CSNK2A2IP: variants seen among roughly 807,000 people sequenced by gnomAD.
The protein encoded by CSNK2A2IP is casein kinase II subunit alpha'-interacting protein.
chr3:88,406,425 C>A, the CSNK2A2IP span, among the ~76,000 whole-genome samples: 2 of 152,146 alleles, frequency 1.3e-5, no homozygotes, highest in Non-Finnish European at 2.9e-5. Flanking sequence ...AAAGCCTTAG[C>A]TGGCAGTTGA....
chr3:88,383,375 T>G, the CSNK2A2IP span, among the ~76,000 whole-genome samples: 1 of 152,240 alleles, frequency 6.6e-6, no homozygotes, highest in Non-Finnish European at 1.5e-5. Flanking sequence ...GGTCAGAATT[T>G]TTAATCTATA....
the CSNK2A2IP span, among the ~76,000 whole-genome samples, chr3:88,406,625 T>G: frequency 6.6e-6 from 1 of 152,228 alleles, no homozygotes; most frequent in Non-Finnish European, 1.5e-5. Flanking sequence ...TTTTGGCGAC[T>G]GTTACATTGG....
the CSNK2A2IP span, among the ~76,000 whole-genome samples, chr3:88,407,259 G>A: frequency 1.9e-5 from 2 of 102,614 alleles, no homozygotes; most frequent in African/African-American, 7.3e-5. Context: ...CCTAATATAT[G>A]TTTTAGAAAG....
At chr3:88,394,452 A>G in the CSNK2A2IP span, among the ~76,000 whole-genome samples, 3 of 152,302 alleles carry the variant, frequency 2.0e-5, no homozygotes, top group African/African-American at 7.2e-5. Context: ...AGTTCACTGC[A>G]ACCTCTGCCT....
At chr3:88,356,998 A>G in the CSNK2A2IP span, among the ~76,000 whole-genome samples, 3 of 151,818 alleles carry the variant, frequency 2.0e-5, no homozygotes, top group African/African-American at 7.3e-5. Context: ...GTTTATTTAT[A>G]TTTTGGTTAT....
the CSNK2A2IP span, among the ~76,000 whole-genome samples, chr3:88,414,239 C>G: frequency 7.1e-6 from 1 of 140,456 alleles, no homozygotes; most frequent in African/African-American, 2.7e-5. Context: ...CCTAAGGAAA[C>G]CTAAAATATC....
the CSNK2A2IP span, among the ~76,000 whole-genome samples, chr3:88,464,168 T>C: frequency 3.2e-5 from 1 of 31,348 alleles, no homozygotes; most frequent in African/African-American, 1.2e-4. Context: ...TGTTGTGGTG[T>C]GGGGGGAGGG....
chr3:88,346,713 TTATTA>T, the CSNK2A2IP span, among the ~76,000 whole-genome samples: 8 of 152,012 alleles, frequency 5.3e-5, no homozygotes, highest in Non-Finnish European at 1.0e-4. Context: ...ATATTACCAT[TTATTA>T]ACAATGCATC....
the CSNK2A2IP span, among the ~76,000 whole-genome samples, chr3:88,417,005 A>G: frequency 2.0e-5 from 3 of 151,396 alleles, no homozygotes; most frequent in East Asian, 5.8e-4. Context: ...TATATATATT[A>G]TTCAATATAT....
chr3:88,447,399 A>G, the CSNK2A2IP span, among the ~76,000 whole-genome samples: 1 of 152,156 alleles, frequency 6.6e-6, no homozygotes, highest in African/African-American at 2.4e-5. Context: ...ACTGAAGGGA[A>G]ATTTAGAAAC....
At chr3:88,465,862 A>T in the CSNK2A2IP span, 1 of 1,231,678 alleles carries the variant, frequency 8.1e-7, no homozygotes. Context: ...TGTTTGCTGG[A>T]GATCACTTTC....
chr3:88,366,250 C>T, the CSNK2A2IP span, among the ~76,000 whole-genome samples: 1 of 152,086 alleles, frequency 6.6e-6, no homozygotes, highest in Non-Finnish European at 1.5e-5. Flanking sequence ...GATTAAAATG[C>T]TTCAGAGCAC....
the CSNK2A2IP span, among the ~76,000 whole-genome samples, chr3:88,365,389 G>A: frequency 6.6e-6 from 1 of 152,116 alleles, no homozygotes; most frequent in Non-Finnish European, 1.5e-5. Context: ...AATGGAGGTG[G>A]AGGGTAAGAC....
chr3:88,450,011 G>T, the CSNK2A2IP span, among the ~76,000 whole-genome samples: 3 of 150,140 alleles, frequency 2.0e-5, no homozygotes, highest in South Asian at 6.4e-4. Context: ...GGGACTACAG[G>T]CTCGCATGAC....
At chr3:88,344,440 G>A in the CSNK2A2IP span, among the ~76,000 whole-genome samples, 1 of 151,766 alleles carries the variant, frequency 6.6e-6, no homozygotes, top group Non-Finnish European at 1.5e-5. Flanking sequence ...ATCAAATATT[G>A]GGAGAAAACA....
chr3:88,430,212 A>AAATATTGTT, the CSNK2A2IP span, among the ~76,000 whole-genome samples: 22 of 152,112 alleles, frequency 1.4e-4, no homozygotes, highest in Non-Finnish European at 2.8e-4. Context: ...TGTACCTTCT[A>AAATATTGTT]AATATTGTTA....
At chr3:88,424,767 T>C in the CSNK2A2IP span, among the ~76,000 whole-genome samples, 3 of 151,764 alleles carry the variant, frequency 2.0e-5, no homozygotes, top group Admixed American at 2.0e-4. Flanking sequence ...GTTTACCAGT[T>C]ATGCCTTTAT....
chr3:88,392,836 GT>G, the CSNK2A2IP span, among the ~76,000 whole-genome samples: 1 of 152,146 alleles, frequency 6.6e-6, no homozygotes, highest in Non-Finnish European at 1.5e-5. Context: ...AGATGCTTTT[GT>G]TTTATTTAAT....
At chr3:88,371,254 A>G in the CSNK2A2IP span, among the ~76,000 whole-genome samples, 1 of 151,892 alleles carries the variant, frequency 6.6e-6, no homozygotes, top group Non-Finnish European at 1.5e-5. Flanking sequence ...TAACACAGAC[A>G]TCAAAGCAGC....
Sources: gnomAD v4.1 joint callset for allele counts (sites outside exome capture counted in the v4.1 genomes callset) on GRCh38, gnomAD v4.1.1 for gene constraint, MANE v1.5 for transcripts, NCBI Gene and HGNC (gene_info 2026-07-23, HGNC 2026-07-21) for gene names.